GALNT18: variants seen among roughly 807,000 people sequenced by gnomAD.
GALNT18 encodes the protein polypeptide N-acetylgalactosaminyltransferase 18.
In GALNT18, 44 loss-of-function variants were observed where a neutral mutation model predicts 69.5. That is an observed-to-expected ratio of 0.63 (90% CI 0.50 to 0.81). The LOEUF (loss-of-function observed/expected upper bound fraction) is 0.81. Among genes scored for constraint, GALNT18 ranks in the 40% least tolerant of loss-of-function variants. The pLI, the probability that GALNT18 is intolerant of heterozygous loss-of-function variation, is 0.00. For missense variants in GALNT18, 715 were observed against 810.0 expected, an observed-to-expected ratio of 0.88 and a Z score of 1.42; for synonymous variants, 364 against 318.2, an observed-to-expected ratio of 1.14 and a Z score of -1.53.
chr11:11,358,859 A>ACACACACGCACG (rs1554921791), intron 6 of GALNT18, among the ~76,000 whole-genome samples: 1 of 130,010 alleles, frequency 7.7e-6, no homozygotes, highest in African/African-American at 3.0e-5. Flanking sequence ...ACACACACAC[A>ACACACACGCACG]CACGCACAGA....
At chr11:11,412,083 T>C (rs751233434) in intron 3 of GALNT18, among the ~76,000 whole-genome samples, 17 of 152,160 alleles carry the variant, frequency 1.1e-4, no homozygotes, top group Non-Finnish European at 2.1e-4. Context: ...AAAACGGATC[T>C]GGATGGGACA....
At chr11:11,457,056 T>C (rs1174860611) in intron 1 of GALNT18, among the ~76,000 whole-genome samples, 1 of 152,302 alleles carries the variant, frequency 6.6e-6, no homozygotes, top group Non-Finnish European at 1.5e-5. Context: ...GAGGAGCACA[T>C]CTGGAGGCCC....
chr11:11,565,238 T>G (rs1353942766), intron 1 of GALNT18, among the ~76,000 whole-genome samples: 27 of 152,216 alleles, frequency 1.8e-4, no homozygotes, highest in Non-Finnish European at 1.5e-5. Flanking sequence ...GCACACTCAG[T>G]GCTCCTTCTG....
intron 1 of GALNT18, among the ~76,000 whole-genome samples, chr11:11,558,199 T>C (rs1455916921): frequency 6.6e-6 from 1 of 152,224 alleles, no homozygotes; most frequent in Non-Finnish European, 1.5e-5. Context: ...TTTGAAATGG[T>C]GATTGATGGT....
At chr11:11,516,568 T>C (rs1335689133) in intron 1 of GALNT18, among the ~76,000 whole-genome samples, 1 of 152,062 alleles carries the variant, frequency 6.6e-6, no homozygotes, top group African/African-American at 2.4e-5. Context: ...GAGGCAGAGG[T>C]TGCAGTGAGC....
At chr11:11,514,329 C>T (rs1474477450) in intron 1 of GALNT18, among the ~76,000 whole-genome samples, 2 of 152,170 alleles carry the variant, frequency 1.3e-5, no homozygotes, top group African/African-American at 4.8e-5. Flanking sequence ...GCAGAGGCTC[C>T]CCATTTGGAA....
rs1178508981 is a variant in GALNT18, at chr11:11,377,733, AG to A, written c.780-355del. 9.2e-5 allele frequency among the ~76,000 whole-genome samples: 14 copies of A among 152,204 alleles called. No homozygotes were observed. The highest frequency in any genetic ancestry group is 1.9e-4 in the Non-Finnish European group (13 of 68,028). ...AAGAAAGAAACAGATCTGAGGCTCC[AG>A]AAAAAGCTTTCACCTTGGGCTTTGA... On this transcript the variant is annotated intron_variant, in intron 4 of 10. Transcript: ENST00000227756. The surrounding 1 kb of genome is among the most constrained non-coding windows in gnomAD (Gnocchi z 4.6).
At position 11,602,467 on chromosome 11, in the gene GALNT18, G is replaced by A. The variant is rs111499323; in HGVS notation, c.235+18892C>T. ...GGAAGTTGTGGGAAAGCAGCACCCCGTCTTCTTGTCCATATCTGTCCAGAG... is the reference window on the plus strand; with the variant it reads ...GGAAGTTGTGGGAAAGCAGCACCCCATCTTCTTGTCCATATCTGTCCAGAG... On this transcript the variant is annotated intron_variant, in intron 1 of 10. Transcript: ENST00000227756. The surrounding 1 kb of genome is among the most constrained non-coding windows in gnomAD (Gnocchi z 4.7). 7.6e-3 allele frequency among the ~76,000 whole-genome samples: 1,162 copies of A among 152,238 alleles called. 19 individuals are homozygous for A. The highest frequency in any genetic ancestry group is 0.027 in the African/African-American group (1,104 of 41,532).
At chr11:11,281,684 G>A (rs533199377) in intron 10 of GALNT18, among the ~76,000 whole-genome samples, 15 of 152,158 alleles carry the variant, frequency 9.9e-5, no homozygotes, top group Non-Finnish European at 1.9e-4. Flanking sequence ...ATCCTTCAGA[G>A]ACTCCCATCT....
At position 11,402,143 on chromosome 11, in the gene GALNT18, A is replaced by G. The variant is rs1360598558; in HGVS notation, c.596-22879T>C. Among the ~76,000 whole-genome samples the G allele has an allele frequency of 1.2e-4, 18 of 152,270 alleles. No individual in the cohort carries two copies. Among genetic ancestry groups the G allele is most frequent in the Non-Finnish European group, 2.2e-4 (15 of 68,050 alleles). On this transcript the variant is annotated intron_variant, in intron 3 of 10. Coordinates refer to ENST00000227756, the MANE Select transcript of GALNT18 (RefSeq NM_198516.3). The surrounding 1 kb of genome is among the most constrained non-coding windows in gnomAD (Gnocchi z 4.0). ...CACAGAATTCTTCACATAAAGGCAG[A>G]AAGGCTAGAAAGCAAATAGGCACCA...
At position 11,590,764 on chromosome 11, in the gene GALNT18, A is replaced by G. The variant is rs1456118782; in HGVS notation, c.235+30595T>C. On this transcript the variant is annotated intron_variant, in intron 1 of 10. Transcript: ENST00000227756. The surrounding 1 kb of genome is among the most constrained non-coding windows in gnomAD (Gnocchi z 4.4). ...AAAATTCCTATTGCCTAGTAACATC[A>G]CAGCCATCCTTATGTCACAGCACAA... Among the ~76,000 whole-genome samples the G allele has an allele frequency of 6.6e-6, 1 of 152,144 alleles. No individual in the cohort carries two copies. The highest frequency in any genetic ancestry group is 1.5e-5 in the Non-Finnish European group (1 of 68,022).
At position 11,613,738 on chromosome 11, in the gene GALNT18, A is replaced by G. The variant is rs1352723380; in HGVS notation, c.235+7621T>C. ...AGCTCCACCCTTCAAGAGACATTCC[A>G]GGCCAGCATAAACAGCATGGTCCAC... On this transcript the variant is annotated intron_variant, in intron 1 of 10. Transcript: ENST00000227756. The surrounding 1 kb of genome is among the most constrained non-coding windows in gnomAD (Gnocchi z 4.2). 6.6e-6 allele frequency among the ~76,000 whole-genome samples: 1 copy of G among 152,242 alleles called. No individual in the cohort carries two copies. The highest frequency in any genetic ancestry group is 1.5e-5 in the Non-Finnish European group (1 of 68,040).
chr11:11,498,598 C>T (rs1856914266), intron 1 of GALNT18, among the ~76,000 whole-genome samples: 2 of 152,164 alleles, frequency 1.3e-5, no homozygotes, highest in Admixed American at 1.3e-4. Context: ...CAGGAGTTCG[C>T]AACCAGCCTG....
At chr11:11,319,837 C>T (rs767686713) in intron 9 of GALNT18, among the ~76,000 whole-genome samples, 11 of 152,194 alleles carry the variant, frequency 7.2e-5, no homozygotes, top group Middle Eastern at 3.2e-3. Flanking sequence ...AATTCCTACT[C>T]TATTAACTCA....
intron 5 of GALNT18, among the ~76,000 whole-genome samples, chr11:11,374,764 T>C (rs185596612): frequency 1.1e-4 from 16 of 152,326 alleles, no homozygotes; most frequent in South Asian, 2.1e-4. Flanking sequence ...TTAAAATACA[T>C]AGAGAACCAT....
chr11:11,544,940 C>T (rs995688172), intron 1 of GALNT18, among the ~76,000 whole-genome samples: 6 of 152,208 alleles, frequency 3.9e-5, no homozygotes, highest in African/African-American at 9.6e-5. Context: ...AGGATCCCTG[C>T]TCTACCTGGT....
chr11:11,453,111 C>T (rs1328209163), intron 1 of GALNT18, among the ~76,000 whole-genome samples: 1 of 152,152 alleles, frequency 6.6e-6, no homozygotes, highest in African/African-American at 2.4e-5. Flanking sequence ...GGCTGCTTCA[C>T]CAGACAGCCA....
chr11:11,370,086 A>G (rs887012822), intron 6 of GALNT18, among the ~76,000 whole-genome samples: 1 of 150,652 alleles, frequency 6.6e-6, no homozygotes, highest in Non-Finnish European at 1.5e-5. Flanking sequence ...GAAAAAAAAA[A>G]CCACTATTAC....
chr11:11,378,075 C>A (rs760206350), intron 4 of GALNT18, among the ~76,000 whole-genome samples: 1 of 152,224 alleles, frequency 6.6e-6, no homozygotes, highest in Non-Finnish European at 1.5e-5. Flanking sequence ...GTGTCCCTCT[C>A]CTATCCTGGC....
Sources: allele counts gnomAD v4.1 joint callset (sites outside exome capture counted in the v4.1 genomes callset), GRCh38; gene constraint gnomAD v4.1.1; non-coding constraint Gnocchi (gnomAD v3.1); transcripts MANE v1.5; gene names NCBI Gene and HGNC (gene_info 2026-07-23, HGNC 2026-07-21).